FILIP1L: variants seen among roughly 807,000 people sequenced by gnomAD.
The protein encoded by FILIP1L is filamin A-interacting protein 1-like.
Under a neutral mutation model 96.6 loss-of-function variants are expected in FILIP1L, and 55 were observed. The observed-to-expected ratio is 0.57, with a 90% CI of 0.46 to 0.71. The LOEUF (loss-of-function observed/expected upper bound fraction) is 0.71, where lower values mean the gene tolerates loss of function less well. Ranked by LOEUF, FILIP1L falls within the 30% of genes least tolerant of loss-of-function variation. FILIP1L has a pLI of 0.00. For synonymous variants in FILIP1L, 467 were observed against 473.9 expected, an observed-to-expected ratio of 0.99 and a Z score of 0.19; for missense variants, 1,304 against 1,321.2, an observed-to-expected ratio of 0.99 and a Z score of 0.20.
chr3:100,098,553 T>C (rs565662243), intron 1 of FILIP1L, among the ~76,000 whole-genome samples: 8 of 152,358 alleles, frequency 5.3e-5, no homozygotes, highest in Admixed American at 5.2e-4. Flanking sequence ...TTATTTGTAT[T>C]ATTCATAATT....
At chr3:100,097,318 A>G (rs1367479798) in intron 1 of FILIP1L, among the ~76,000 whole-genome samples, 1 of 152,224 alleles carries the variant, frequency 6.6e-6, no homozygotes, top group East Asian at 1.9e-4. Context: ...CCACTGTTGT[A>G]TTAGATATTG....
intron 1 of FILIP1L, among the ~76,000 whole-genome samples, chr3:100,044,129 C>T (rs2065245100): frequency 6.6e-6 from 1 of 152,166 alleles, no homozygotes; most frequent in Non-Finnish European, 1.5e-5. Context: ...TAGAACAAGA[C>T]ACATTGAGAT....
intron 1 of FILIP1L, among the ~76,000 whole-genome samples, chr3:99,985,852 G>A (rs751497751): frequency 2.6e-5 from 4 of 152,130 alleles, no homozygotes; most frequent in African/African-American, 7.2e-5. Flanking sequence ...GCCTCCCAAA[G>A]TACTGGGATT....
At chr3:100,086,016 G>A (rs2066003159) in intron 1 of FILIP1L, among the ~76,000 whole-genome samples, 1 of 152,206 alleles carries the variant, frequency 6.6e-6, no homozygotes, top group South Asian at 2.1e-4. Context: ...TAGTTGAAAA[G>A]TACATCTGCA....
At chr3:100,064,384 AC>A (rs1021526802) in intron 1 of FILIP1L, among the ~76,000 whole-genome samples, 2 of 138,684 alleles carry the variant, frequency 1.4e-5, no homozygotes, top group African/African-American at 2.7e-5. Flanking sequence ...GCTAATCCTG[AC>A]CCCCCCAACA....
intron 1 of FILIP1L, among the ~76,000 whole-genome samples, chr3:100,038,650 A>G (rs1376507870): frequency 6.6e-6 from 1 of 152,168 alleles, no homozygotes. Flanking sequence ...CTGGAAAGCT[A>G]TTTATGGGTT....
chr3:100,034,892 C>G (rs1305244164), intron 1 of FILIP1L, among the ~76,000 whole-genome samples: 3 of 152,080 alleles, frequency 2.0e-5, no homozygotes, highest in African/African-American at 7.2e-5. Flanking sequence ...AGTAGAATAT[C>G]TCAATCACTG....
At chr3:99,895,394 T>A (rs1398554667) in intron 4 of FILIP1L, among the ~76,000 whole-genome samples, 1 of 151,866 alleles carries the variant, frequency 6.6e-6, no homozygotes, top group Non-Finnish European at 1.5e-5. Flanking sequence ...TTTTTTTTTT[T>A]TACTATGTAT....
chr3:100,003,322 A>G (rs761478177), intron 1 of FILIP1L, among the ~76,000 whole-genome samples: 22 of 152,198 alleles, frequency 1.4e-4, no homozygotes, highest in Non-Finnish European at 2.5e-4. Context: ...AGTGCAGTAA[A>G]TACTTACATA....
chr3:100,070,596 A>G (rs917846779), intron 1 of FILIP1L, among the ~76,000 whole-genome samples: 1 of 152,146 alleles, frequency 6.6e-6, no homozygotes, highest in African/African-American at 2.4e-5. Context: ...GTCTATGAAT[A>G]AAGACTTCAT....
intron 4 of FILIP1L, among the ~76,000 whole-genome samples, chr3:99,904,797 G>T (rs1483811485): frequency 1.3e-5 from 2 of 152,046 alleles, no homozygotes; most frequent in Non-Finnish European, 2.9e-5. Context: ...TTCAATCTCA[G>T]TTGGCTTTTC....
In FILIP1L at chr3:99,828,924, C is replaced by T. The variant is rs1006686020; in HGVS notation, c.*1490G>A. On this transcript the variant is annotated 3_prime_UTR_variant, in exon 6 of 6. Coordinates refer to ENST00000477258, the MANE Select transcript of FILIP1L (RefSeq NM_001387850.1). ...TCCCTCTCAATGCTGCCTATCATCC[C>T]TCTCAATGCTGCCCATCATCCCTCT... is the stretch of plus-strand genomic sequence containing the variant. 2.6e-5 allele frequency among the ~76,000 whole-genome samples: 4 copies of T among 151,924 alleles called. No individual in the cohort carries two copies. The highest frequency in any genetic ancestry group is 9.7e-5 in the African/African-American group (4 of 41,358).
intron 4 of FILIP1L, among the ~76,000 whole-genome samples, chr3:99,918,614 T>C (rs1707028655): frequency 6.6e-6 from 1 of 152,172 alleles, no homozygotes; most frequent in Non-Finnish European, 1.5e-5. Context: ...AACCGCTGAA[T>C]TGTGCAGTTT....
At chr3:100,013,028 A>G (rs983568982) in intron 1 of FILIP1L, among the ~76,000 whole-genome samples, 1 of 151,478 alleles carries the variant, frequency 6.6e-6, no homozygotes, top group Non-Finnish European at 1.5e-5. Flanking sequence ...CACCACACCC[A>G]GCCAATTTTT....
At chr3:99,967,619 T>G (rs998138396) in intron 1 of FILIP1L, among the ~76,000 whole-genome samples, 2 of 152,182 alleles carry the variant, frequency 1.3e-5, no homozygotes, top group South Asian at 2.1e-4. Flanking sequence ...TCACGACACA[T>G]GCAGAGATTG....
intron 4 of FILIP1L, among the ~76,000 whole-genome samples, chr3:99,870,185 G>A (rs1183160202): frequency 6.6e-5 from 10 of 152,064 alleles, no homozygotes; most frequent in Non-Finnish European, 1.5e-5. Flanking sequence ...TTCCCTTTTT[G>A]TAATTTGTAG....
At chr3:99,968,633 G>A (rs1029709364) in intron 1 of FILIP1L, among the ~76,000 whole-genome samples, 5 of 152,130 alleles carry the variant, frequency 3.3e-5, no homozygotes, top group Non-Finnish European at 7.3e-5. Flanking sequence ...TACCATGGGT[G>A]AAGCCTTGAG....
intron 4 of FILIP1L, among the ~76,000 whole-genome samples, chr3:99,872,399 A>G (rs1944846230): frequency 6.6e-6 from 1 of 150,892 alleles, no homozygotes; most frequent in Admixed American, 6.7e-5. Flanking sequence ...TCATAGTTGA[A>G]TGTTTGCTGT....
rs77905849 is a variant in FILIP1L, at chr3:99,998,356, T to C, written c.-10-67326A>G. On this transcript the variant is annotated intron_variant, in intron 1 of 5. Coordinates refer to ENST00000477258, the MANE Select transcript of FILIP1L (RefSeq NM_001387850.1). ...CTTTAAGTAGAGTGAGTTTAAATGTTTGGTGTAGCAACCCATCTTGCATGT... is the reference window on the plus strand; with the variant it reads ...CTTTAAGTAGAGTGAGTTTAAATGTCTGGTGTAGCAACCCATCTTGCATGT... Among the ~76,000 whole-genome samples the C allele has an allele frequency of 4.3e-3, 651 of 152,336 alleles. 4 individuals are homozygous for C. Among genetic ancestry groups the C allele is most frequent in the Non-Finnish European group, 6.5e-3 (440 of 68,018 alleles).
Sources: allele counts gnomAD v4.1 joint callset (sites outside exome capture counted in the v4.1 genomes callset), GRCh38; gene constraint gnomAD v4.1.1; transcripts MANE v1.5; gene names NCBI Gene and HGNC (gene_info 2026-07-23, HGNC 2026-07-21).